Variants in CNGB1 observed in about 807,000 individuals in gnomAD.
The protein encoded by CNGB1 is cyclic nucleotide-gated channel beta-1.
In CNGB1, 126 loss-of-function variants were observed where a neutral mutation model predicts 151.7. That is an observed-to-expected ratio of 0.83 (90% CI 0.72 to 0.96). The LOEUF is 0.96. CNGB1 is among the 40% of genes least tolerant of loss of function. The pLI, the probability that CNGB1 is intolerant of heterozygous loss-of-function variation, is 0.00. For synonymous variants in CNGB1, 623 were observed against 635.1 expected (o/e 0.98, Z 0.29); for missense variants, 1,698 against 1,627.0 (o/e 1.04, Z -0.75).
chr16:57,899,687 T>C (rs1224716158), intron 29 of CNGB1, among the ~76,000 whole-genome samples: 1 of 151,034 alleles, frequency 6.6e-6, no homozygotes, highest in Non-Finnish European at 1.5e-5. Flanking sequence ...GTGGGGGGAG[T>C]GACCAAGGAC....
chr16:57,911,523 A>T lies in CNGB1; in HGVS notation c.2492+230T>A, dbSNP rs184684075. Among the ~76,000 whole-genome samples, 102 of 152,308 alleles carry T rather than the reference A, an allele frequency of 6.7e-4. No homozygotes were observed. The East Asian group carries it at 0.012, about 18-fold the overall frequency. ...AGGCTGGTCTCTAACTCCTGATATCAGGTGATCCGCCTGCCTTGGCCTCCC... is the reference window on the plus strand; with the variant it reads ...AGGCTGGTCTCTAACTCCTGATATCTGGTGATCCGCCTGCCTTGGCCTCCC... On this transcript the variant is annotated intron_variant, in intron 25 of 32. Transcript: ENST00000251102.
intron 16 of CNGB1, among the ~76,000 whole-genome samples, chr16:57,932,096 G>A (rs1045059265): frequency 5.9e-5 from 9 of 152,298 alleles, no homozygotes; most frequent in East Asian, 1.9e-4. Flanking sequence ...CAGGAGCCAC[G>A]AAAGAAGCCA....
intron 16 of CNGB1, chr16:57,937,248 C>G (rs1164833946): frequency 6.6e-6 from 1 of 152,648 alleles, no homozygotes; most frequent in African/African-American, 2.4e-5. Flanking sequence ...GAGGCAGAGG[C>G]CACCTGGCCA....
chr16:57,910,383 T>C (rs1290548172), intron 25 of CNGB1, among the ~76,000 whole-genome samples: 2 of 152,154 alleles, frequency 1.3e-5, no homozygotes, highest in Admixed American at 1.3e-4. Flanking sequence ...ATTATTGTTA[T>C]TATTATTTTG....
In CNGB1 at chr16:57,882,443, C is replaced by G. The variant is rs1210712793; in HGVS notation, c.*1721G>C. ...CAACTAGACAAATCTGTTTCTGACT[C>G]TGGGGTTTGGAAATGCTTAGACCAG... On this transcript the variant is annotated 3_prime_UTR_variant, in exon 33 of 33. Transcript: ENST00000251102. 2.6e-5 allele frequency: 4 copies of G among 152,124 alleles called. No homozygotes were observed. Among genetic ancestry groups the G allele is most frequent in the Non-Finnish European group, 5.9e-5 (4 of 68,022 alleles). 9.4% of individuals were successfully genotyped at this position (152,124 alleles called of 1,614,324 possible).
Position 57,942,952 on chromosome 16 carries a change from A to G in CNGB1, c.1122-2631T>C, listed in dbSNP as rs138287440. Among the ~76,000 whole-genome samples the G allele has an allele frequency of 6.5e-3, 992 of 152,256 alleles. 13 individuals are homozygous for G. Among genetic ancestry groups the G allele is most frequent in the African/African-American group, 0.022 (921 of 41,554 alleles). ...AAAACCAATATATAAAATATAGGGG[A>G]AAAACCCTATGATATTGGTCTAAGC... On this transcript the variant is annotated intron_variant, in intron 14 of 32. Coordinates refer to ENST00000251102, the MANE Select transcript of CNGB1 (RefSeq NM_001297.5).
intron 29 of CNGB1, 60 bp downstream of exon 29, chr16:57,901,292 C>T: frequency 1.3e-6 from 2 of 1,547,450 alleles, no homozygotes; most frequent in Non-Finnish European, 1.8e-6. Flanking sequence ...CAGCTCAGTT[C>T]CTTGAAAGCC....
Position 57,920,506 on chromosome 16 carries a change from C to T in CNGB1, c.1682G>A (p.Ser561Asn). 1 of 1,614,028 alleles carries T rather than the reference C, an allele frequency of 6.2e-7. No individual in the cohort carries two copies. Among genetic ancestry groups the T allele is most frequent in the Non-Finnish European group, 8.5e-7 (1 of 1,180,042 alleles). The change falls in exon 19 of 33, where the codon AGC becomes AAC. Residue 561 changes from serine (S) to asparagine (N), a missense_variant. By Grantham distance (46) the Ser-to-Asn change is conservative (BLOSUM62 1). Coordinates refer to ENST00000251102, the MANE Select transcript of CNGB1 (RefSeq NM_001297.5). ...CTGGAGCCGGTCGTTGATGATGGCG[C>T]TATTTGTGCTGGCCGTGGAGGCCGC... ...DRAASTASTN[S>N]AIINDRLQEL...
chr16:57,892,462 C>T (rs1363477447), intron 31 of CNGB1, among the ~76,000 whole-genome samples: 1 of 152,084 alleles, frequency 6.6e-6, no homozygotes, highest in East Asian at 1.9e-4. Flanking sequence ...TTGAGAGCAA[C>T]CAGGTAAGGT....
At chr16:57,962,105 C>T (rs371159074) in intron 7 of CNGB1, among the ~76,000 whole-genome samples, 5 of 152,296 alleles carry the variant, frequency 3.3e-5, no homozygotes, top group African/African-American at 1.2e-4. Flanking sequence ...CTCCCTGGCT[C>T]CCCTCTTCGC....
At chr16:57,912,853 G>T (rs895120762) in intron 24 of CNGB1, 77 bp downstream of exon 24, 8 of 1,392,434 alleles carry the variant, frequency 5.7e-6, no homozygotes, top group Non-Finnish European at 7.1e-6. Context: ...CATCTGTGTT[G>T]TGTGTGTATT....
intron 4 of CNGB1, among the ~76,000 whole-genome samples, chr16:57,963,586 C>T (rs868114224): frequency 6.6e-6 from 1 of 152,224 alleles, no homozygotes; most frequent in East Asian, 1.9e-4. Context: ...CAGCCCTGCT[C>T]AGGCCCCAAG....
At chr16:57,964,620 C>A in intron 2 of CNGB1, 76 bp from the exon 3 acceptor site, 1 of 1,415,700 alleles carries the variant, frequency 7.1e-7, no homozygotes, top group Non-Finnish European at 1.0e-6. Context: ...CTGATTCTCC[C>A]TCAAGGGATC....
At chr16:57,886,811 C>T (rs1406423113) in intron 32 of CNGB1, among the ~76,000 whole-genome samples, 4 of 152,172 alleles carry the variant, frequency 2.6e-5, no homozygotes, top group African/African-American at 7.2e-5. Context: ...TAATGTCCCC[C>T]ATAGGTTTAT....
Position 57,882,997 on chromosome 16 carries a change from G to A in CNGB1, c.*1167C>T, listed in dbSNP as rs1959799569. On this transcript the variant is annotated 3_prime_UTR_variant, in exon 33 of 33. Transcript: ENST00000251102. ...GCGAATGGGGTTTCTCAGGATGACA[G>A]GCAGAGGATGCTCCTACCGGGCTGT... 1 of 152,174 alleles carries A rather than the reference G, an allele frequency of 6.6e-6. No homozygotes were observed. Among genetic ancestry groups the A allele is most frequent in the African/African-American group, 2.4e-5 (1 of 41,438 alleles). The allele number at this position is 152,174 out of a possible 1,614,324, so 9.4% of individuals were successfully genotyped here.
intron 1 of CNGB1, among the ~76,000 whole-genome samples, chr16:57,969,987 C>G (rs562399726): frequency 3.9e-5 from 6 of 152,284 alleles, no homozygotes; most frequent in Admixed American, 1.3e-4. Context: ...GGCCCAGGAT[C>G]CTTGCCCCCA....
intron 14 of CNGB1, 74 bp downstream of exon 14, chr16:57,949,279 G>A: frequency 3.1e-6 from 5 of 1,598,950 alleles, no homozygotes; most frequent in Non-Finnish European, 3.4e-6. Flanking sequence ...GAGCAGCAAA[G>A]AGTGCCCAGA....
chr16:57,943,311 C>A (rs1445819204), intron 14 of CNGB1, among the ~76,000 whole-genome samples: 1 of 152,154 alleles, frequency 6.6e-6, no homozygotes, highest in African/African-American at 2.4e-5. Flanking sequence ...CACTAATCAT[C>A]AGAGAAATGC....
intron 16 of CNGB1, among the ~76,000 whole-genome samples, chr16:57,933,498 G>T (rs1255657723): frequency 6.6e-6 from 1 of 152,092 alleles, no homozygotes; most frequent in Admixed American, 6.6e-5. Flanking sequence ...CCACCTCAGG[G>T]ACTGCAGGGA....
Sources: gnomAD v4.1 joint callset for allele counts (sites outside exome capture counted in the v4.1 genomes callset) on GRCh38, gnomAD v4.1.1 for gene constraint, MANE v1.5 for transcripts, NCBI Gene and HGNC (gene_info 2026-07-23, HGNC 2026-07-21) for gene names.